ZNF445: variants seen among roughly 807,000 people sequenced by gnomAD.
ZNF445 encodes zinc finger protein 168.
In ZNF445, 19 loss-of-function variants were observed where a neutral mutation model predicts 93.9. The ratio of observed to expected loss-of-function variants is 0.20; its 90% CI spans 0.14 to 0.30. ZNF445 has a LOEUF of 0.30. Among genes scored for constraint, ZNF445 ranks in the 10% least tolerant of loss-of-function variants. ZNF445 has a pLI of 1.00. For synonymous variants in ZNF445, 449 were observed against 446.3 expected (o/e 1.01, Z -0.08); for missense variants, 1,058 against 1,259.4 (o/e 0.84, Z 2.42).
In ZNF445 at chr3:44,447,901, G is replaced by T; in HGVS notation, c.1770C>A (p.Asp590Glu). The T allele has an allele frequency of 6.2e-7, 1 of 1,613,728 alleles. No homozygotes were observed. Among genetic ancestry groups the T allele is most frequent in the Non-Finnish European group, 8.5e-7 (1 of 1,180,012 alleles). ...YSSGFDHHLG[D>E]QSGEKLFDCS... ...AGTCAAAGAGTTTCTCCCCACTTTG[G>T]TCTCCCAAATGATGATCAAACCCTG... Residue 590 changes from aspartate to glutamate, a missense_variant, in exon 8 of 8, where the codon GAC (aspartate) becomes GAA (glutamate). This residue lies in a region of ZNF445 where 657 missense variants were observed against 746.4 expected (regional missense o/e 0.88). Transcript: ENST00000396077. This position sits in a 1 kb window ranked among gnomAD's most constrained non-coding sequence, Gnocchi z 4.7.
intron 7 of ZNF445, 78 bp downstream of exon 7, chr3:44,449,435 C>A: frequency 8.5e-7 from 1 of 1,179,500 alleles, no homozygotes; most frequent in East Asian, 2.4e-5. Flanking sequence ...GAGTAAATTC[C>A]CAGTGATGTA....
rs1403262520 is a variant in ZNF445 at position 44,437,991 on chromosome 3, T to G, written c.*8584A>C. The stretch of plus-strand genomic sequence containing the variant: ...GCCCTCACTCAAAATGGAGTCGCTC[T>G]GGTTCAAATACCTCTGACACTTTTA... On this transcript the variant is annotated 3_prime_UTR_variant, in exon 8 of 8. Coordinates refer to ENST00000396077, the MANE Select transcript of ZNF445 (RefSeq NM_181489.6). The G allele has an allele frequency of 1.3e-5, 2 of 152,930 alleles. No homozygotes were observed. The highest frequency in any genetic ancestry group is 2.4e-5 in the African/African-American group (1 of 41,428). The allele number at this position is 152,930 out of a possible 1,614,324, so 9.5% of individuals were successfully genotyped here.
chr3:44,474,372 G>A (rs1185029562), intron 1 of ZNF445, among the ~76,000 whole-genome samples: 2 of 152,120 alleles, frequency 1.3e-5, no homozygotes, highest in Non-Finnish European at 2.9e-5. Context: ...AAATTAGCCA[G>A]GCCTGGTGGC....
Position 44,438,340 on chromosome 3 carries a change from A to C in ZNF445, c.*8235T>G, listed in dbSNP as rs1182142180. On this transcript the variant is annotated 3_prime_UTR_variant, in exon 8 of 8. Coordinates refer to ENST00000396077, the MANE Select transcript of ZNF445 (RefSeq NM_181489.6). ...ACACCCGGCTAATTTTTGTATTTTT[A>C]ATAGAGATGGGGTTTCACCATATTG... is the stretch of plus-strand genomic sequence containing the variant. 6.6e-6 allele frequency: 1 copy of C among 151,758 alleles called. No individual in the cohort carries two copies. Among genetic ancestry groups the C allele is most frequent in the East Asian group, 1.9e-4 (1 of 5,174 alleles). 9.4% of individuals were successfully genotyped at this position (151,758 alleles called of 1,614,324 possible). A position where few individuals can be genotyped will look rare whatever the true frequency, so the allele number is the denominator to read the frequency against.
chr3:44,448,171 A>G lies in ZNF445; in HGVS notation c.1500T>C (p.Leu500=). The change falls in exon 8 of 8, where the codon CTT becomes CTC. Residue 500 remains leucine (L), a synonymous_variant. Coordinates refer to ENST00000396077, the MANE Select transcript of ZNF445 (RefSeq NM_181489.6). ...CGRTFSHSSH[L]AYHQRLHTQE... ...GAGTGTGAAGTCTCTGATGATACGC[A>G]AGATGGGAGCTATGACTGAAAGTCC... is the stretch of plus-strand genomic sequence containing the variant. 6.2e-7 allele frequency: 1 copy of G among 1,614,162 alleles called. No individual in the cohort carries two copies. The highest frequency in any genetic ancestry group is 8.5e-7 in the Non-Finnish European group (1 of 1,180,036).
At chr3:44,469,720 G>C (rs1698239711) in intron 1 of ZNF445, among the ~76,000 whole-genome samples, 1 of 152,046 alleles carries the variant, frequency 6.6e-6, no homozygotes, top group African/African-American at 2.4e-5. Flanking sequence ...AGTGAGCCAA[G>C]ATCGTGCCAC....
At position 44,448,525 on chromosome 3, in the gene ZNF445, G is replaced by A. The variant is rs763076655; in HGVS notation, c.1146C>T (p.His382=). The A allele has an allele frequency of 6.2e-7, 1 of 1,614,034 alleles. No homozygotes were observed. The highest frequency in any genetic ancestry group is 1.7e-5 in the Admixed American group (1 of 59,996). ...ATACTTCAGAGTCTTTTCCTGTCCT[G>A]TGACTGAAATTGGTCTCTTCTTTCT... is the stretch of plus-strand genomic sequence containing the variant. ...RVKKEETNFS[H]RTGKDSEVSG... Residue 382 remains histidine, a synonymous_variant, in exon 8 of 8, where the codon CAC becomes CAT. Coordinates refer to ENST00000396077, the MANE Select transcript of ZNF445 (RefSeq NM_181489.6).
At chr3:44,470,996 A>C (rs1353624011) in intron 1 of ZNF445, among the ~76,000 whole-genome samples, 1 of 152,220 alleles carries the variant, frequency 6.6e-6, no homozygotes, top group Non-Finnish European at 1.5e-5. Flanking sequence ...CAACATGCAA[A>C]ACAAAAATAA....
At chr3:44,458,864 G>A (rs1012058597) in intron 1 of ZNF445, among the ~76,000 whole-genome samples, 2 of 152,152 alleles carry the variant, frequency 1.3e-5, no homozygotes, top group East Asian at 1.9e-4. Context: ...CTCATACTCA[G>A]TAAGCAGAAA....
chr3:44,457,090 A>G (rs1698038416), intron 2 of ZNF445, among the ~76,000 whole-genome samples: 1 of 152,184 alleles, frequency 6.6e-6, no homozygotes, highest in South Asian at 2.1e-4. Context: ...AGATCGTGGC[A>G]CTGCACTCTA....
chr3:44,453,365 G>C (rs1047270350), intron 3 of ZNF445, among the ~76,000 whole-genome samples: 1 of 151,374 alleles, frequency 6.6e-6, no homozygotes, highest in Non-Finnish European at 1.5e-5. Context: ...TGAAATCTCA[G>C]CTCACTGCAG....
At chr3:44,452,842 G>C (rs1697974771) in intron 3 of ZNF445, among the ~76,000 whole-genome samples, 1 of 151,058 alleles carries the variant, frequency 6.6e-6, no homozygotes, top group Non-Finnish European at 1.5e-5. Flanking sequence ...GGTAGACCAT[G>C]TCCTGATGTC....
chr3:44,446,179 G>C lies in ZNF445; in HGVS notation c.*396C>G, dbSNP rs868526671. 1.4e-5 allele frequency: 3 copies of C among 217,824 alleles called. No individual in the cohort carries two copies. Among genetic ancestry groups the C allele is most frequent in the Admixed American group, 5.4e-5 (1 of 18,612 alleles). 13.5% of individuals were successfully genotyped at this position (217,824 alleles called of 1,614,324 possible). On this transcript the variant is annotated 3_prime_UTR_variant, in exon 8 of 8. Coordinates refer to ENST00000396077, the MANE Select transcript of ZNF445 (RefSeq NM_181489.6). This position sits in a 1 kb window ranked among gnomAD's most constrained non-coding sequence, Gnocchi z 4.2. ...ATAGGCATGGCCACAGGCCAAACTTGAAGACAAATCTAGGATCCCACTGGC... is the reference window on the plus strand; with the variant it reads ...ATAGGCATGGCCACAGGCCAAACTTCAAGACAAATCTAGGATCCCACTGGC...
At position 44,441,824 on chromosome 3, in the gene ZNF445, G is replaced by A. The variant is rs1480011229; in HGVS notation, c.*4751C>T. 6.6e-6 allele frequency: 1 copy of A among 152,106 alleles called. No homozygotes were observed. The highest frequency in any genetic ancestry group is 1.5e-5 in the Non-Finnish European group (1 of 68,016). 9.4% of individuals were successfully genotyped at this position (152,106 alleles called of 1,614,324 possible). ...AAATCCATCAGGTCTCCTGCCTTAG[G>A]AAGGCAGAATGGTGACTTGCACACA... is the stretch of plus-strand genomic sequence containing the variant. On this transcript the variant is annotated 3_prime_UTR_variant, in exon 8 of 8. Coordinates refer to ENST00000396077, the MANE Select transcript of ZNF445 (RefSeq NM_181489.6).
intron 1 of ZNF445, among the ~76,000 whole-genome samples, chr3:44,476,977 TC>T (rs1435900074): frequency 6.6e-6 from 1 of 152,192 alleles, no homozygotes; most frequent in Non-Finnish European, 1.5e-5. Flanking sequence ...ACAAATGCAT[TC>T]TACAAATTCA....
rs956054500 is a variant in ZNF445 at position 44,432,933 on chromosome 3, T to C, written c.*13642A>G. ...GTCTGCTTCCTTTTCATTAAAATTCTGCTCATGGATTCATCCCTGCAGTAG... is the reference window on the plus strand; with the variant it reads ...GTCTGCTTCCTTTTCATTAAAATTCCGCTCATGGATTCATCCCTGCAGTAG... On this transcript the variant is annotated 3_prime_UTR_variant, in exon 8 of 8. Transcript: ENST00000396077. The C allele has an allele frequency of 2.6e-5, 4 of 152,228 alleles. No homozygotes were observed. The highest frequency in any genetic ancestry group is 9.6e-5 in the African/African-American group (4 of 41,454). The allele number at this position is 152,228 out of a possible 1,614,324, so 9.4% of individuals were successfully genotyped here.
At chr3:44,465,097 T>C (rs1044689277) in intron 1 of ZNF445, among the ~76,000 whole-genome samples, 4 of 151,614 alleles carry the variant, frequency 2.6e-5, no homozygotes, top group African/African-American at 9.7e-5. Context: ...AATCGCTTAC[T>C]TATCAGGTTT....
intron 1 of ZNF445, among the ~76,000 whole-genome samples, chr3:44,472,438 T>TGGGCTCACACAATTCGC (rs1698283241): frequency 6.6e-6 from 1 of 152,258 alleles, no homozygotes; most frequent in East Asian, 1.9e-4. Context: ...CTTGAACTCC[T>TGGGCTCACACAATTCGC]GGGCTCACAC....
rs1160134713 is a variant in ZNF445 at position 44,451,506 on chromosome 3, G to C, written c.430-24C>G. ...TCCTGGCAAGAAGAAAATGTTGTGA[G>C]AGGATCTTTCTGGGAATCAGAAAGC... On this transcript the variant is annotated intron_variant, in intron 3 of 7. Coordinates refer to ENST00000396077, the MANE Select transcript of ZNF445 (RefSeq NM_181489.6). 2.5e-6 allele frequency: 4 copies of C among 1,586,650 alleles called. No individual in the cohort carries two copies. The African/African-American group carries it at 5.4e-5, about 21-fold the overall frequency.
Sources: allele counts gnomAD v4.1 joint callset (sites outside exome capture counted in the v4.1 genomes callset), GRCh38; gene constraint gnomAD v4.1.1; regional missense constraint gnomAD v4.1.1; non-coding constraint Gnocchi (gnomAD v3.1); transcripts MANE v1.5; gene names NCBI Gene and HGNC (gene_info 2026-07-23, HGNC 2026-07-21).